LDB2: variants seen among roughly 807,000 people sequenced by gnomAD.
LDB2 encodes LIM domain-binding protein 2.
Under a neutral mutation model 44.3 loss-of-function variants are expected in LDB2, and 12 were observed. The observed-to-expected ratio is 0.27, with a 90% CI of 0.17 to 0.44. The LOEUF (loss-of-function observed/expected upper bound fraction) is 0.44. Among genes scored for constraint, LDB2 ranks in the 20% least tolerant of loss-of-function variants. LDB2 has a pLI of 1.00. For missense variants in LDB2, 344 were observed against 473.5 expected (o/e 0.73, Z 2.54); for synonymous variants, 164 against 174.8 (o/e 0.94, Z 0.49).
At chr4:16,837,387 G>A (rs556197252) in intron 1 of LDB2, among the ~76,000 whole-genome samples, 1 of 152,074 alleles carries the variant, frequency 6.6e-6, no homozygotes, top group African/African-American at 2.4e-5. Context: ...TTTAGGTCAG[G>A]GTCAGTGGTT....
At chr4:16,686,337 G>A (rs1412561141) in intron 2 of LDB2, among the ~76,000 whole-genome samples, 2 of 152,180 alleles carry the variant, frequency 1.3e-5, no homozygotes, top group Admixed American at 6.5e-5. Context: ...TCATCACATT[G>A]GAATCTTGTA....
chr4:16,770,375 A>T (rs1259163259), intron 1 of LDB2, among the ~76,000 whole-genome samples: 1 of 152,228 alleles, frequency 6.6e-6, no homozygotes, highest in Admixed American at 6.5e-5. Flanking sequence ...CAGCACTTTT[A>T]ATTTTATGAT....
At chr4:16,663,587 GT>G (rs1241307987) in intron 2 of LDB2, among the ~76,000 whole-genome samples, 3 of 152,208 alleles carry the variant, frequency 2.0e-5, no homozygotes, top group Non-Finnish European at 2.9e-5. Context: ...CACAATGCAT[GT>G]TTCCGTGAAG....
intron 1 of LDB2, among the ~76,000 whole-genome samples, chr4:16,844,087 T>TAAAAAA (rs71181192): frequency 3.4e-5 from 4 of 117,856 alleles, no homozygotes; most frequent in Non-Finnish European, 6.8e-5. Context: ...ACCCCATCTC[T>TAAAAAA]AAAAAAAAAA....
chr4:16,616,234 G>A (rs1197901643), intron 2 of LDB2, among the ~76,000 whole-genome samples: 1 of 152,128 alleles, frequency 6.6e-6, no homozygotes, highest in Non-Finnish European at 1.5e-5. Flanking sequence ...ATAAACATCT[G>A]TTGGATGACT....
At position 16,524,621 on chromosome 4, in the gene LDB2, G is replaced by T. The variant is rs1002414591; in HGVS notation, c.616-12517C>A. Among the ~76,000 whole-genome samples, 7 of 152,170 alleles carry T rather than the reference G, an allele frequency of 4.6e-5. No individual in the cohort carries two copies. The South Asian group carries it at 1.4e-3, about 31-fold the overall frequency. On this transcript the variant is annotated intron_variant, in intron 5 of 7. Coordinates refer to ENST00000304523, the MANE Select transcript of LDB2 (RefSeq NM_001290.5). ...GCCTCACTTTCTGCCCCATAGAGGA[G>T]CTGAGAGGCACAGATGATGTAGGCA...
At chr4:16,542,139 A>G (rs1180506282) in intron 5 of LDB2, among the ~76,000 whole-genome samples, 2 of 146,666 alleles carry the variant, frequency 1.4e-5, no homozygotes, top group African/African-American at 5.1e-5. Context: ...TAAGAAGGTC[A>G]GTACCCTAGA....
At chr4:16,614,587 A>AC (rs1437556586) in intron 2 of LDB2, among the ~76,000 whole-genome samples, 2,687 of 150,964 alleles carry the variant, frequency 0.018, 41 homozygotes, top group South Asian at 0.047. Flanking sequence ...AAACAAAAAA[A>AC]AAAAAAAAAA....
intron 1 of LDB2, among the ~76,000 whole-genome samples, chr4:16,844,161 G>C (rs1189829708): frequency 6.8e-6 from 1 of 146,250 alleles, no homozygotes; most frequent in Admixed American, 6.9e-5. Context: ...GGAGTCTAAG[G>C]TGAGAGAATC....
intron 1 of LDB2, among the ~76,000 whole-genome samples, chr4:16,800,535 GA>G (rs1777592465): frequency 6.6e-6 from 1 of 151,982 alleles, no homozygotes; most frequent in Non-Finnish European, 1.5e-5. Flanking sequence ...ATCATCCGTT[GA>G]CAGTTTGTCA....
chr4:16,524,655 C>G (rs1404803915), intron 5 of LDB2, among the ~76,000 whole-genome samples: 2 of 152,156 alleles, frequency 1.3e-5, no homozygotes, highest in Admixed American at 6.5e-5. Flanking sequence ...CAAAAACATT[C>G]TGTGTGTGAT....
intron 1 of LDB2, among the ~76,000 whole-genome samples, chr4:16,810,398 GTT>G (rs1779618876): frequency 1.3e-5 from 2 of 152,064 alleles, no homozygotes; most frequent in Non-Finnish European, 2.9e-5. Flanking sequence ...TAATTTATCT[GTT>G]TATGTTTTCT....
At chr4:16,794,539 G>A (rs1015398726) in intron 1 of LDB2, among the ~76,000 whole-genome samples, 2 of 152,118 alleles carry the variant, frequency 1.3e-5, no homozygotes, top group Admixed American at 1.3e-4. Context: ...TTGTTATTGA[G>A]CTGTGTGACT....
chr4:16,816,059 T>C (rs1780824431), intron 1 of LDB2, among the ~76,000 whole-genome samples: 3 of 151,970 alleles, frequency 2.0e-5, no homozygotes, highest in African/African-American at 2.4e-5. Flanking sequence ...AATACAAAAA[T>C]TAGCCAGGTG....
intron 1 of LDB2, among the ~76,000 whole-genome samples, chr4:16,883,533 G>C (rs1720796618): frequency 6.6e-6 from 1 of 152,196 alleles, no homozygotes; most frequent in African/African-American, 2.4e-5. Context: ...CTTAGGGCTT[G>C]GGACGTTCCT....
intron 1 of LDB2, among the ~76,000 whole-genome samples, chr4:16,787,480 G>GGC (rs1561230068): frequency 6.6e-6 from 1 of 152,114 alleles, no homozygotes; most frequent in Non-Finnish European, 1.5e-5. Flanking sequence ...CAGGCGTGGT[G>GGC]GCATGCGCCT....
At position 16,633,611 on chromosome 4, in the gene LDB2, G is replaced by A. The variant is rs1014429475; in HGVS notation, c.236-37736C>T. 3.9e-5 allele frequency among the ~76,000 whole-genome samples: 6 copies of A among 152,200 alleles called. No homozygotes were observed. The East Asian group carries it at 1.2e-3, about 29-fold the overall frequency. On this transcript the variant is annotated intron_variant, in intron 2 of 7. Coordinates refer to ENST00000304523, the MANE Select transcript of LDB2 (RefSeq NM_001290.5). ...CAAACCACTGCTCAAGGAAATAAGA[G>A]AGGACACAAACAAATGGAAAAACAT...
intron 5 of LDB2, among the ~76,000 whole-genome samples, chr4:16,539,523 A>AT: frequency 6.6e-6 from 1 of 152,270 alleles, no homozygotes; most frequent in South Asian, 2.1e-4. Flanking sequence ...ACTAGAATAG[A>AT]TTTTCACCAC....
intron 1 of LDB2, among the ~76,000 whole-genome samples, chr4:16,767,920 T>C (rs565573528): frequency 6.6e-6 from 1 of 152,278 alleles, no homozygotes; most frequent in East Asian, 1.9e-4. Context: ...CTTAATTATG[T>C]TTAAAAATCT....
Sources: gnomAD v4.1 joint callset for allele counts (sites outside exome capture counted in the v4.1 genomes callset) on GRCh38, gnomAD v4.1.1 for gene constraint, MANE v1.5 for transcripts, NCBI Gene and HGNC (gene_info 2026-07-23, HGNC 2026-07-21) for gene names.